The following NFAT5 variants were observed in gnomAD, a reference collection of about 807,000 sequenced individuals.
NFAT5 encodes nuclear factor of activated T cells 5, also known as nuclear factor of activated T-cells 5.
In NFAT5, 31 loss-of-function variants were observed where a neutral mutation model predicts 166.5. That is an observed-to-expected ratio of 0.19 (90% confidence interval 0.14 to 0.25). NFAT5 has a LOEUF of 0.25. Ranked by LOEUF, NFAT5 falls within the 10% of genes least tolerant of loss-of-function variation. NFAT5 has a pLI of 1.00. For synonymous variants in NFAT5, 612 were observed against 639.7 expected, an observed-to-expected ratio of 0.96 and a Z score of 0.65; for missense variants, 1,449 against 1,821.8, an observed-to-expected ratio of 0.80 and a Z score of 3.72.
intron 2 of NFAT5, among the ~76,000 whole-genome samples, chr16:69,619,903 G>C (rs1485517079): frequency 4.6e-5 from 7 of 152,108 alleles, no homozygotes; most frequent in Admixed American, 3.9e-4. Context: ...CCTCAGAATA[G>C]GATTTCTGCC....
At chr16:69,690,671 C>T in intron 11 of NFAT5, 1 of 179,438 alleles carries the variant, frequency 5.6e-6, no homozygotes, top group Non-Finnish European at 1.2e-5. Context: ...CACTTGGAAC[C>T]GTCTTGGGGA....
At chr16:69,591,809 C>G (rs887554432) in intron 2 of NFAT5, among the ~76,000 whole-genome samples, 1 of 152,038 alleles carries the variant, frequency 6.6e-6, no homozygotes, top group Admixed American at 6.5e-5. Context: ...GCCAGGAGTT[C>G]AAGACCAGCA....
chr16:69,685,714 A>G (rs2037271488), intron 11 of NFAT5: 1 of 152,170 alleles, frequency 6.6e-6, no homozygotes. Flanking sequence ...CTGAACAGAT[A>G]TGGGCAGCAC....
chr16:69,635,249 G>T (rs2034911104), intron 3 of NFAT5, among the ~76,000 whole-genome samples: 1 of 152,078 alleles, frequency 6.6e-6, no homozygotes, highest in Non-Finnish European at 1.5e-5. Flanking sequence ...GACCTCAGGT[G>T]ATCCGCCCAC....
chr16:69,606,158 A>G (rs2033396526), intron 2 of NFAT5, among the ~76,000 whole-genome samples: 1 of 152,190 alleles, frequency 6.6e-6, no homozygotes, highest in African/African-American at 2.4e-5. Context: ...GAAAGTTGGG[A>G]CCACTCACTG....
intron 2 of NFAT5, among the ~76,000 whole-genome samples, chr16:69,582,544 G>T (rs2031766295): frequency 6.6e-6 from 1 of 151,054 alleles, no homozygotes; most frequent in South Asian, 2.1e-4. Flanking sequence ...ATTGTGTGAG[G>T]TAAGAGCCTA....
chr16:69,680,802 C>T (rs2037027433), intron 10 of NFAT5, among the ~76,000 whole-genome samples: 2 of 152,078 alleles, frequency 1.3e-5, no homozygotes, highest in Non-Finnish European at 2.9e-5. Flanking sequence ...CTCTGTCACC[C>T]AGGCTGGAGT....
chr16:69,601,255 A>G (rs902275016), intron 2 of NFAT5, among the ~76,000 whole-genome samples: 4 of 152,192 alleles, frequency 2.6e-5, no homozygotes, highest in East Asian at 1.9e-4. Flanking sequence ...ATGTATACAT[A>G]TCTACTTATT....
intron 2 of NFAT5, among the ~76,000 whole-genome samples, chr16:69,613,926 G>A (rs1021716376): frequency 3.3e-5 from 5 of 152,298 alleles, no homozygotes; most frequent in Admixed American, 3.3e-4. Flanking sequence ...AGAGGAGCTG[G>A]CATAGACAAA....
At chr16:69,668,257 G>A (rs912719986) in intron 7 of NFAT5, among the ~76,000 whole-genome samples, 1 of 152,126 alleles carries the variant, frequency 6.6e-6, no homozygotes, top group African/African-American at 2.4e-5. Context: ...CAAAGTATTG[G>A]GATTACAGGC....
chr16:69,589,280 C>T (rs2032312794), intron 2 of NFAT5, among the ~76,000 whole-genome samples: 1 of 152,178 alleles, frequency 6.6e-6, no homozygotes, highest in Non-Finnish European at 1.5e-5. Context: ...AGGCGTGAGC[C>T]ACCACGCCCA....
chr16:69,691,755 A>G lies in NFAT5; in HGVS notation c.1930A>G (p.Lys644Glu). The G allele has an allele frequency of 6.2e-7, 1 of 1,604,194 alleles. No homozygotes were observed. Among genetic ancestry groups the G allele is most frequent in the Non-Finnish European group, 8.5e-7 (1 of 1,176,454 alleles). ...KRSSTIFKTTKSVGSTQQTLE... is the reference protein window; with the variant it reads ...KRSSTIFKTTESVGSTQQTLE... ...GGGGATTTTTATTTTTTAGACTACA[A>G]AGTCTGTTGGATCAACTCAGCAAAC... The change falls in exon 13 of 15, where the codon AAG becomes GAG. Residue 644 changes from lysine (K) to glutamate (E), a missense_variant. By Grantham distance (56) the Lys-to-Glu change is moderately conservative. Transcript: ENST00000349945.
chr16:69,587,944 C>CTTTTTTTTTTT (rs61460423), intron 2 of NFAT5, among the ~76,000 whole-genome samples: 3 of 68,250 alleles, frequency 4.4e-5, no homozygotes, highest in Non-Finnish European at 5.8e-5. Context: ...ATAGTGCTTT[C>CTTTTTTTTTTT]TTTTTTTTTT....
chr16:69,658,160 T>A (rs188831025), intron 6 of NFAT5, among the ~76,000 whole-genome samples: 166 of 151,630 alleles, frequency 1.1e-3, no homozygotes, highest in African/African-American at 3.9e-3. Context: ...ATTTACTGAT[T>A]ATAAAAATAG....
intron 2 of NFAT5, among the ~76,000 whole-genome samples, chr16:69,622,119 G>A (rs936425717): frequency 2.6e-5 from 4 of 151,978 alleles, no homozygotes; most frequent in Admixed American, 6.6e-5. Context: ...TTAATCTTTC[G>A]GTATCCCATG....
intron 2 of NFAT5, among the ~76,000 whole-genome samples, chr16:69,571,698 A>AT (rs200781863): frequency 4.1e-4 from 61 of 148,180 alleles, no homozygotes; most frequent in South Asian, 1.7e-3. Flanking sequence ...CCAAATTTAA[A>AT]TTTTTTTTTT....
chr16:69,634,094 A>G (rs1437408646), intron 3 of NFAT5, among the ~76,000 whole-genome samples: 2 of 152,036 alleles, frequency 1.3e-5, no homozygotes, highest in Non-Finnish European at 2.9e-5. Flanking sequence ...CCTAGCCATC[A>G]TGGTGAAACC....
intron 2 of NFAT5, among the ~76,000 whole-genome samples, chr16:69,618,884 T>A (rs1250426935): frequency 6.6e-6 from 1 of 152,210 alleles, no homozygotes; most frequent in East Asian, 1.9e-4. Context: ...TTAGTTTACT[T>A]CTTGTTAGAT....
At chr16:69,582,344 T>C (rs2031755048) in intron 2 of NFAT5, among the ~76,000 whole-genome samples, 1 of 152,124 alleles carries the variant, frequency 6.6e-6, no homozygotes, top group East Asian at 1.9e-4. Context: ...TAGTGTCATT[T>C]GATGCACAAA....
Sources: gnomAD v4.1 joint callset for allele counts (sites outside exome capture counted in the v4.1 genomes callset) on GRCh38, gnomAD v4.1.1 for gene constraint, MANE v1.5 for transcripts, NCBI Gene and HGNC (gene_info 2026-07-23, HGNC 2026-07-21) for gene names.